FAM135A: variants seen among roughly 807,000 people sequenced by gnomAD.
FAM135A encodes the protein family with sequence similarity 135 member A.
Under a neutral mutation model 146.8 loss-of-function variants are expected in FAM135A, and 79 were observed. That is an observed-to-expected ratio of 0.54 (90% CI 0.45 to 0.65). The LOEUF (loss-of-function observed/expected upper bound fraction) is 0.65. Ranked by LOEUF, FAM135A falls within the 30% of genes least tolerant of loss-of-function variation. The probability of loss-of-function intolerance (pLI) is 0.00; values close to 1 mark genes in which losing one functional copy is unlikely to be tolerated. For synonymous variants in FAM135A, 562 were observed against 603.6 expected (o/e 0.93, Z 1.01); for missense variants, 1,623 against 1,758.2 (o/e 0.92, Z 1.38).
In FAM135A at chr6:70,482,123, A is replaced by G. The variant is rs1783827944; in HGVS notation, c.792A>G (p.Glu264=). The change falls in exon 10 of 22, where the codon GAA becomes GAG. Residue 264 remains glutamate, a synonymous_variant. Transcript: ENST00000418814. The part of the protein sequence containing the change: ...GLHSYFITVT[E]EIPSCQKLEL... ...ACAGCTACTTCATTACAGTAACAGA[A>G]GAGATTCCTTCTTGTCAGAAACTAG... 2 of 1,613,374 alleles carry G rather than the reference A, an allele frequency of 1.2e-6. No individual in the cohort carries two copies. Among genetic ancestry groups the G allele is most frequent in the South Asian group, 2.2e-5 (2 of 91,060 alleles).
chr6:70,526,742 T>C, intron 15 of FAM135A, 44 bp downstream of exon 15: 4 of 1,132,844 alleles, frequency 3.5e-6, no homozygotes, highest in Non-Finnish European at 4.9e-6. Flanking sequence ...AATATATACA[T>C]ATATATATAC....
intron 10 of FAM135A, chr6:70,486,179 TGCA>T (rs1282038083): frequency 6.2e-7 from 1 of 1,613,828 alleles, no homozygotes; most frequent in Non-Finnish European, 8.5e-7. Flanking sequence ...AAGGCCAACA[TGCA>T]GCTCCTATAT....
intron 5 of FAM135A, among the ~76,000 whole-genome samples, chr6:70,466,489 T>TG (rs1485765920): frequency 1.3e-5 from 2 of 152,170 alleles, no homozygotes; most frequent in Non-Finnish European, 2.9e-5. Context: ...GAAGAAAAGT[T>TG]GAACAGAGTC....
intron 8 of FAM135A, among the ~76,000 whole-genome samples, chr6:70,480,339 A>G (rs111899668): frequency 2.4e-3 from 367 of 152,302 alleles, no homozygotes; most frequent in African/African-American, 8.2e-3. Flanking sequence ...GCATGGTGGC[A>G]CATGACTGTA....
At chr6:70,534,216 G>A (rs1021104408) in intron 18 of FAM135A, among the ~76,000 whole-genome samples, 2 of 149,594 alleles carry the variant, frequency 1.3e-5, no homozygotes, top group Non-Finnish European at 3.0e-5. Flanking sequence ...ACTTTAAGTG[G>A]AAGAAGTATA....
intron 4 of FAM135A, among the ~76,000 whole-genome samples, chr6:70,438,928 G>T (rs1276376606): frequency 6.6e-6 from 1 of 152,142 alleles, no homozygotes; most frequent in African/African-American, 2.4e-5. Flanking sequence ...AAGCTGAGGT[G>T]GGAGGATCTC....
intron 12 of FAM135A, among the ~76,000 whole-genome samples, chr6:70,521,576 T>G (rs910039478): frequency 3.3e-5 from 5 of 152,218 alleles, no homozygotes; most frequent in Non-Finnish European, 7.3e-5. Context: ...TGGCCGGATA[T>G]TGATGACAAG....
At chr6:70,486,817 A>G (rs1007751644) in intron 10 of FAM135A, among the ~76,000 whole-genome samples, 1 of 152,040 alleles carries the variant, frequency 6.6e-6, no homozygotes, top group Admixed American at 6.6e-5. Flanking sequence ...AATCCCAGCT[A>G]CTCGGAGGCT....
intron 13 of FAM135A, among the ~76,000 whole-genome samples, chr6:70,523,749 G>A (rs1794110000): frequency 6.6e-6 from 1 of 152,042 alleles, no homozygotes; most frequent in Admixed American, 6.6e-5. Flanking sequence ...TAAATAATTA[G>A]CAGTCTGTAA....
chr6:70,460,569 A>G (rs1169510504), intron 5 of FAM135A, among the ~76,000 whole-genome samples: 3 of 152,210 alleles, frequency 2.0e-5, no homozygotes, highest in African/African-American at 7.2e-5. Flanking sequence ...CGAAATGACT[A>G]TCCAACATAA....
chr6:70,513,501 G>A (rs553036344), intron 12 of FAM135A: 2 of 150,822 alleles, frequency 1.3e-5, no homozygotes, highest in South Asian at 4.2e-4. Context: ...ACAATTTGTG[G>A]GCATGATATA....
intron 2 of FAM135A, among the ~76,000 whole-genome samples, chr6:70,421,264 A>C (rs1768779003): frequency 6.6e-6 from 1 of 152,160 alleles, no homozygotes; most frequent in South Asian, 2.1e-4. Context: ...AGCTATGTTT[A>C]ATGGAAAAAT....
chr6:70,441,937 C>A (rs1247829730), intron 4 of FAM135A, among the ~76,000 whole-genome samples: 1 of 152,122 alleles, frequency 6.6e-6, no homozygotes, highest in Non-Finnish European at 1.5e-5. Context: ...CCTGCCTTGG[C>A]CTCCCAAAGT....
intron 4 of FAM135A, among the ~76,000 whole-genome samples, chr6:70,432,025 T>C (rs768740548): frequency 2.6e-5 from 4 of 152,076 alleles, no homozygotes; most frequent in Non-Finnish European, 5.9e-5. Context: ...TGATGTGAAA[T>C]CACTTTGCTT....
chr6:70,526,283 AAG>A lies in FAM135A; in HGVS notation c.3200_3201del (p.Lys1067ArgfsTer4). Reference protein sequence around the residue: ...VSYSNALSPQKETSEKEISNL... With the variant: ...VSYSNALSPQXETSEKEISNL... ...CTACAGCAATGCACTTAGCCCTCAGAAGGAAACTTCTGAAAAAGAAATTAGTA... is the reference window on the plus strand; with the variant it reads ...CTACAGCAATGCACTTAGCCCTCAGAGAAACTTCTGAAAAAGAAATTAGTA... On this transcript the variant is annotated frameshift_variant, in exon 15 of 22. Transcript: ENST00000418814. LOFTEE classifies it high-confidence loss of function. The A allele has an allele frequency of 6.2e-7, 1 of 1,613,482 alleles. No homozygotes were observed. The highest frequency in any genetic ancestry group is 8.5e-7 in the Non-Finnish European group (1 of 1,179,674).
At chr6:70,415,453 A>C (rs1393208798) in intron 2 of FAM135A, 77 bp downstream of exon 2, 2 of 152,178 alleles carry the variant, frequency 1.3e-5, no homozygotes, top group Non-Finnish European at 2.9e-5. Flanking sequence ...TCCTTATTCA[A>C]AGTGATTTAA....
intron 4 of FAM135A, among the ~76,000 whole-genome samples, chr6:70,434,014 C>T (rs1772375000): frequency 6.6e-6 from 1 of 151,994 alleles, no homozygotes; most frequent in African/African-American, 2.4e-5. Context: ...AAAACGAAGT[C>T]AAAATTGTAA....
Position 70,524,059 on chromosome 6 carries a change from A to G in FAM135A, c.1196A>G (p.Asp399Gly). ...PPLPIECSELDGDLNSLPIIF... is the reference protein window; with the variant it reads ...PPLPIECSELGGDLNSLPIIF... ...TTACCTATTGAATGTAGTGAATTAGATGGAGATCTCAATTCATTACCTATA... is the reference window on the plus strand; with the variant it reads ...TTACCTATTGAATGTAGTGAATTAGGTGGAGATCTCAATTCATTACCTATA... Residue 399 changes from aspartate (D) to glycine (G), a missense_variant, in exon 14 of 22, where the codon GAT becomes GGT. Asp to Gly is a moderately conservative substitution (Grantham distance 94, BLOSUM62 -1). This residue lies in a region of FAM135A where 1,061 missense variants were observed against 1,113.8 expected (regional missense o/e 0.95). Transcript: ENST00000418814. The G allele has an allele frequency of 6.2e-7, 1 of 1,612,436 alleles. No homozygotes were observed. The highest frequency in any genetic ancestry group is 8.5e-7 in the Non-Finnish European group (1 of 1,178,890).
chr6:70,556,988 T>G (rs762774275), intron 21 of FAM135A, 125 bp downstream of exon 21: 171 of 693,318 alleles, frequency 2.5e-4, no homozygotes, highest in Non-Finnish European at 2.1e-4. Context: ...TTCCACCCAC[T>G]TATATTAACA....
Sources: gnomAD v4.1 joint callset for allele counts (sites outside exome capture counted in the v4.1 genomes callset) on GRCh38, gnomAD v4.1.1 for gene constraint, gnomAD v4.1.1 regional missense constraint, MANE v1.5 for transcripts, NCBI Gene and HGNC (gene_info 2026-07-23, HGNC 2026-07-21) for gene names.